The following PRKG2 variants were observed in gnomAD, a reference collection of about 807,000 sequenced individuals.
PRKG2 encodes the protein protein kinase cGMP-dependent 2.
A neutral mutation model predicts 97.2 loss-of-function variants in PRKG2; 33 were observed. That is an observed-to-expected ratio of 0.34 (90% confidence interval 0.26 to 0.45). PRKG2 has a LOEUF of 0.45. Ranked by LOEUF, PRKG2 falls within the 20% of genes least tolerant of loss-of-function variation. The pLI is 1.00. For synonymous variants in PRKG2, 330 were observed against 321.8 expected, an observed-to-expected ratio of 1.03 and a Z score of -0.27; for missense variants, 638 against 900.0, an observed-to-expected ratio of 0.71 and a Z score of 3.73.
chr4:81,146,487 T>C (rs970486209), intron 9 of PRKG2, among the ~76,000 whole-genome samples: 1 of 152,192 alleles, frequency 6.6e-6, no homozygotes, highest in Non-Finnish European at 1.5e-5. Context: ...TTTATCACAT[T>C]TAAAAATAGG....
At chr4:81,202,569 T>C (rs939237613) in intron 2 of PRKG2, among the ~76,000 whole-genome samples, 1 of 152,170 alleles carries the variant, frequency 6.6e-6, no homozygotes, top group African/African-American at 2.4e-5. Context: ...CATTTCTTTA[T>C]CCTGACCACA....
intron 6 of PRKG2, among the ~76,000 whole-genome samples, chr4:81,156,255 AC>A (rs1413121772): frequency 3.0e-4 from 45 of 152,150 alleles, no homozygotes; most frequent in African/African-American, 9.9e-4. Flanking sequence ...CAAATGGAAA[AC>A]AAAAAAAGGC....
intron 2 of PRKG2, among the ~76,000 whole-genome samples, chr4:81,198,876 G>A (rs976836693): frequency 6.6e-5 from 10 of 152,220 alleles, no homozygotes; most frequent in African/African-American, 2.4e-4. Context: ...CTATCACTAT[G>A]AAATATAACC....
chr4:81,185,496 GA>G (rs1228829945), intron 2 of PRKG2, among the ~76,000 whole-genome samples: 2 of 152,072 alleles, frequency 1.3e-5, no homozygotes, highest in Non-Finnish European at 2.9e-5. Flanking sequence ...ATGGAAAGGA[GA>G]AACCAGTACC....
At chr4:81,119,098 A>G (rs1208353188) in intron 14 of PRKG2, among the ~76,000 whole-genome samples, 1 of 152,168 alleles carries the variant, frequency 6.6e-6, no homozygotes, top group Non-Finnish European at 1.5e-5. Context: ...GGCCCAGTCA[A>G]GAAGCTTTTA....
chr4:81,149,003 A>T, intron 8 of PRKG2, 51 bp from the exon 9 acceptor site: 1 of 1,532,326 alleles, frequency 6.5e-7, no homozygotes, highest in Non-Finnish European at 9.0e-7. Flanking sequence ...GAAATTAAAC[A>T]TCCACTTTTA....
At chr4:81,211,950 T>C (rs1167645262) in intron 1 of PRKG2, among the ~76,000 whole-genome samples, 1 of 151,982 alleles carries the variant, frequency 6.6e-6, no homozygotes, top group African/African-American at 2.4e-5. Context: ...GATAGGAAAC[T>C]GATACATTTG....
chr4:81,163,956 C>T (rs1032280316), intron 6 of PRKG2, among the ~76,000 whole-genome samples: 2 of 151,596 alleles, frequency 1.3e-5, no homozygotes, highest in African/African-American at 4.8e-5. Context: ...AAATTGTTTA[C>T]AGTTAGTTAT....
intron 2 of PRKG2, among the ~76,000 whole-genome samples, chr4:81,200,646 C>T (rs1465993636): frequency 1.3e-5 from 2 of 152,170 alleles, no homozygotes; most frequent in Non-Finnish European, 2.9e-5. Flanking sequence ...TTAGCTCTGC[C>T]ACCAACCACG....
At chr4:81,157,595 C>A (rs944001870) in intron 6 of PRKG2, among the ~76,000 whole-genome samples, 11 of 152,138 alleles carry the variant, frequency 7.2e-5, no homozygotes, top group African/African-American at 2.4e-4. Context: ...CCAGCATCAT[C>A]CTGATACCAA....
chr4:81,108,707 T>C (rs1469007334), intron 15 of PRKG2, among the ~76,000 whole-genome samples: 1 of 151,996 alleles, frequency 6.6e-6, no homozygotes, highest in African/African-American at 2.4e-5. Context: ...CCAGCCTGGG[T>C]AACACAGTAA....
chr4:81,201,814 T>C (rs1753331836), intron 2 of PRKG2, among the ~76,000 whole-genome samples: 1 of 152,210 alleles, frequency 6.6e-6, no homozygotes, highest in African/African-American at 2.4e-5. Context: ...TCTTGCTCAC[T>C]GTTAAGTGTT....
intron 17 of PRKG2, among the ~76,000 whole-genome samples, chr4:81,094,989 C>A (rs901438841): frequency 2.6e-4 from 40 of 152,096 alleles, no homozygotes; most frequent in Admixed American, 1.9e-3. Context: ...GATGGTGATG[C>A]GTCCCTGTGA....
rs140629906 is a variant in PRKG2, at chr4:81,204,573, C to T, written c.461+14G>A. ...TAAGCCCATCTGAGTTTAAAGGATG[C>T]GGAAATTTCTTACCTGGAGTCTTTT... On this transcript the variant is annotated intron_variant, in intron 2 of 18. Transcript: ENST00000264399. The T allele has an allele frequency of 7.9e-5, 127 of 1,604,020 alleles. No individual in the cohort carries two copies. The East Asian group carries it at 8.0e-4, about 10-fold the overall frequency.
intron 12 of PRKG2, among the ~76,000 whole-genome samples, chr4:81,140,279 T>A (rs1334826863): frequency 6.6e-6 from 1 of 152,112 alleles, no homozygotes; most frequent in East Asian, 1.9e-4. Flanking sequence ...TAATTGGACA[T>A]TGTAAAATAA....
At chr4:81,091,542 T>C (rs2868133) in intron 18 of PRKG2, among the ~76,000 whole-genome samples, 39,734 of 151,852 alleles carry the variant, frequency 0.26, 9,882 homozygotes, top group African/African-American at 0.64. Context: ...CTCGGCCTCC[T>C]AAAGTGCTAG....
intron 14 of PRKG2, among the ~76,000 whole-genome samples, chr4:81,131,423 T>C (rs1746167429): frequency 6.6e-6 from 1 of 152,234 alleles, no homozygotes; most frequent in Non-Finnish European, 1.5e-5. Flanking sequence ...TTGGCCATCT[T>C]GCCAGCCACC....
chr4:81,131,816 T>A (rs1746206498), intron 14 of PRKG2, among the ~76,000 whole-genome samples: 1 of 152,312 alleles, frequency 6.6e-6, no homozygotes, highest in East Asian at 1.9e-4. Flanking sequence ...TCTTTTCCTA[T>A]ACCCATATCA....
intron 6 of PRKG2, among the ~76,000 whole-genome samples, chr4:81,156,462 C>T (rs960720079): frequency 2.0e-5 from 3 of 152,136 alleles, no homozygotes; most frequent in African/African-American, 7.2e-5. Flanking sequence ...GAGACTTAGA[C>T]TCCCACACAT....
Sources: allele counts gnomAD v4.1 joint callset (sites outside exome capture counted in the v4.1 genomes callset), GRCh38; gene constraint gnomAD v4.1.1; transcripts MANE v1.5; gene names NCBI Gene and HGNC (gene_info 2026-07-23, HGNC 2026-07-21).